The following ABTB3 variants were observed in gnomAD, a reference collection of about 807,000 sequenced individuals.
The protein encoded by ABTB3 is ankyrin repeat and BTB domain containing 3.
the ABTB3 span, among the ~76,000 whole-genome samples, chr12:107,334,912 G>A: frequency 6.6e-6 from 1 of 152,096 alleles, no homozygotes; most frequent in African/African-American, 2.4e-5. Context: ...GGTATTTGAG[G>A]TAGTTACTCC....
the ABTB3 span, among the ~76,000 whole-genome samples, chr12:107,596,570 G>T: frequency 6.6e-6 from 1 of 152,068 alleles, no homozygotes; most frequent in Non-Finnish European, 1.5e-5. Flanking sequence ...AGCTGAGATC[G>T]CACTACCACA....
the ABTB3 span, among the ~76,000 whole-genome samples, chr12:107,542,955 G>A: frequency 6.6e-6 from 1 of 152,180 alleles, no homozygotes; most frequent in Non-Finnish European, 1.5e-5. Flanking sequence ...GGCAGAGGTG[G>A]AAGAAAATCC....
At chr12:107,633,248 A>T in the ABTB3 span, among the ~76,000 whole-genome samples, 1 of 152,200 alleles carries the variant, frequency 6.6e-6, no homozygotes, top group African/African-American at 2.4e-5. Flanking sequence ...CTACCACGTG[A>T]GGACATAGCT....
At chr12:107,341,934 GA>G in the ABTB3 span, among the ~76,000 whole-genome samples, 56 of 152,232 alleles carry the variant, frequency 3.7e-4, no homozygotes, top group African/African-American at 1.3e-3. Flanking sequence ...GCCATGATTG[GA>G]AACTTGCTGA....
At chr12:107,635,341 C>T in the ABTB3 span, 3 of 1,613,862 alleles carry the variant, frequency 1.9e-6, no homozygotes, top group East Asian at 4.5e-5. Flanking sequence ...ACGGGCCCTA[C>T]CCCATCCCCA....
chr12:107,501,395 AAAACAAG>A, the ABTB3 span, among the ~76,000 whole-genome samples: 375 of 65,770 alleles, frequency 5.7e-3, no homozygotes, highest in African/African-American at 0.048. Context: ...GTAAAAAAAA[AAAACAAG>A]AAAACAAGGG....
chr12:107,450,178 A>T, the ABTB3 span, among the ~76,000 whole-genome samples: 1 of 151,698 alleles, frequency 6.6e-6, no homozygotes, highest in East Asian at 1.9e-4. Context: ...CTTTCTTATG[A>T]CTTTTTTCTC....
the ABTB3 span, among the ~76,000 whole-genome samples, chr12:107,368,761 C>T: frequency 5.9e-5 from 9 of 152,176 alleles, no homozygotes; most frequent in African/African-American, 1.9e-4. Flanking sequence ...ATCAATATTA[C>T]TCAACATTGT....
the ABTB3 span, among the ~76,000 whole-genome samples, chr12:107,382,985 G>C: frequency 3.3e-5 from 5 of 152,288 alleles, no homozygotes; most frequent in East Asian, 9.6e-4. Flanking sequence ...ACATGAAGAA[G>C]AAAATGGGCT....
chr12:107,408,798 C>T, the ABTB3 span, among the ~76,000 whole-genome samples: 2 of 152,188 alleles, frequency 1.3e-5, no homozygotes, highest in East Asian at 1.9e-4. Flanking sequence ...ACTCTGGCCT[C>T]GGTGACTTTT....
At chr12:107,415,780 G>A in the ABTB3 span, among the ~76,000 whole-genome samples, 6 of 152,028 alleles carry the variant, frequency 3.9e-5, no homozygotes, top group African/African-American at 1.5e-4. Flanking sequence ...TAGAACACTT[G>A]TCTAGGCCTG....
the ABTB3 span, among the ~76,000 whole-genome samples, chr12:107,447,954 C>T: frequency 2.6e-5 from 4 of 152,196 alleles, no homozygotes; most frequent in Non-Finnish European, 4.4e-5. Context: ...GTTTTACTCT[C>T]CTTCCAAATG....
the ABTB3 span, among the ~76,000 whole-genome samples, chr12:107,481,678 C>T: frequency 6.6e-6 from 1 of 152,208 alleles, no homozygotes; most frequent in Non-Finnish European, 1.5e-5. Context: ...ATTGAGCCAA[C>T]TGTTTTCATT....
chr12:107,566,855 G>A, the ABTB3 span, among the ~76,000 whole-genome samples: 3 of 152,188 alleles, frequency 2.0e-5, no homozygotes, highest in African/African-American at 4.8e-5. Flanking sequence ...CAGCACACCT[G>A]TAATTCCAAC....
At chr12:107,571,625 G>T in the ABTB3 span, among the ~76,000 whole-genome samples, 1 of 152,250 alleles carries the variant, frequency 6.6e-6, no homozygotes, top group South Asian at 2.1e-4. Context: ...AGCCTGCAAG[G>T]CGTGTTTCGC....
At chr12:107,329,057 G>C in the ABTB3 span, among the ~76,000 whole-genome samples, 2 of 152,100 alleles carry the variant, frequency 1.3e-5, no homozygotes, top group South Asian at 4.2e-4. Flanking sequence ...TGGCTTTATC[G>C]TCTCCAGGGA....
At chr12:107,403,174 C>A in the ABTB3 span, among the ~76,000 whole-genome samples, 1 of 152,162 alleles carries the variant, frequency 6.6e-6, no homozygotes, top group African/African-American at 2.4e-5. Context: ...CCTCCTGGCT[C>A]CCTGTGAAGT....
the ABTB3 span, chr12:107,618,039 A>G: frequency 1.1e-6 from 1 of 889,406 alleles, no homozygotes; most frequent in Non-Finnish European, 1.7e-6. Flanking sequence ...CCACCCATTG[A>G]TCTTGTCATC....
chr12:107,540,873 T>G, the ABTB3 span, among the ~76,000 whole-genome samples: 5 of 152,120 alleles, frequency 3.3e-5, no homozygotes, highest in East Asian at 9.6e-4. Context: ...TGGTGGCTTG[T>G]GACTGTAGTT....
Sources: allele counts gnomAD v4.1 joint callset (sites outside exome capture counted in the v4.1 genomes callset), GRCh38; gene constraint gnomAD v4.1.1; transcripts MANE v1.5; gene names NCBI Gene and HGNC (gene_info 2026-07-23, HGNC 2026-07-21).